The following NAV2 variants were observed in gnomAD, a reference collection of about 807,000 sequenced individuals.
NAV2 encodes helicase, APC down-regulated 1.
NAV2 carries 54 observed loss-of-function variants against 223.2 expected under a neutral mutation model. The observed-to-expected ratio is 0.24, with a 90% CI of 0.19 to 0.30. The LOEUF is 0.30. NAV2 is among the 10% of genes least tolerant of loss of function. The probability of loss-of-function intolerance (pLI) is 1.00; values close to 1 mark genes in which losing one functional copy is unlikely to be tolerated. For synonymous variants in NAV2, 1,279 were observed against 1,239.3 expected, an observed-to-expected ratio of 1.03 and a Z score of -0.67; for missense variants, 2,806 against 3,147.5, an observed-to-expected ratio of 0.89 and a Z score of 2.60.
chr11:19,963,010 C>G (rs1036681587), intron 10 of NAV2, among the ~76,000 whole-genome samples: 9 of 152,190 alleles, frequency 5.9e-5, no homozygotes, highest in African/African-American at 2.2e-4. Context: ...GTGAAGTCAA[C>G]TCAAGTTGTC....
At chr11:19,421,371 T>C (rs906637031) in intron 1 of NAV2, among the ~76,000 whole-genome samples, 2 of 152,130 alleles carry the variant, frequency 1.3e-5, no homozygotes, top group Non-Finnish European at 2.9e-5. Context: ...CATGCTCACA[T>C]GTGTCCATGC....
intron 1 of NAV2, among the ~76,000 whole-genome samples, chr11:19,457,168 AC>A (rs1851985304): frequency 6.6e-6 from 1 of 152,230 alleles, no homozygotes; most frequent in Non-Finnish European, 1.5e-5. Flanking sequence ...GAGAAGAAAA[AC>A]AATAGCAAAA....
intron 1 of NAV2, among the ~76,000 whole-genome samples, chr11:19,574,240 T>C (rs2045508125): frequency 6.6e-6 from 1 of 152,210 alleles, no homozygotes; most frequent in Non-Finnish European, 1.5e-5. Context: ...TGGGAAAATA[T>C]ATGCAATGTG....
chr11:19,680,996 T>C (rs1245731534), intron 1 of NAV2, among the ~76,000 whole-genome samples: 1 of 152,266 alleles, frequency 6.6e-6, no homozygotes, highest in Non-Finnish European at 1.5e-5. Context: ...TGCCAGGCAC[T>C]GTTCTAAGCA....
intron 6 of NAV2, among the ~76,000 whole-genome samples, chr11:19,912,910 G>A (rs1261887804): frequency 6.6e-6 from 1 of 152,196 alleles, no homozygotes; most frequent in African/African-American, 2.4e-5. Flanking sequence ...GTTGTCCAGG[G>A]AAACCCATGC....
chr11:20,039,427 C>A (rs138570919), intron 12 of NAV2, among the ~76,000 whole-genome samples: 7 of 152,020 alleles, frequency 4.6e-5, no homozygotes, highest in Non-Finnish European at 2.9e-5. Context: ...TCTTATCTCT[C>A]CCTCCCTTCC....
chr11:19,356,777 A>G (rs946647420), intron 1 of NAV2, among the ~76,000 whole-genome samples: 1 of 152,220 alleles, frequency 6.6e-6, no homozygotes, highest in African/African-American at 2.4e-5. Flanking sequence ...ATTGTTTTCC[A>G]GGGAATAAAA....
intron 16 of NAV2, among the ~76,000 whole-genome samples, 161 bp from the exon 17 acceptor site, chr11:20,051,128 C>A (rs2057962488): frequency 1.3e-5 from 2 of 152,204 alleles, no homozygotes; most frequent in African/African-American, 4.8e-5. Flanking sequence ...TTGTTTTCCA[C>A]GGATGTGGAT....
At chr11:20,043,023 A>G (rs2057077776) in intron 12 of NAV2, among the ~76,000 whole-genome samples, 1 of 152,208 alleles carries the variant, frequency 6.6e-6, no homozygotes, top group Non-Finnish European at 1.5e-5. Flanking sequence ...GTCAGAACAA[A>G]ATCCCACAAG....
At chr11:19,930,009 C>T (rs893395956) in intron 6 of NAV2, among the ~76,000 whole-genome samples, 1 of 152,204 alleles carries the variant, frequency 6.6e-6, no homozygotes, top group Non-Finnish European at 1.5e-5. Context: ...ACTTTTTACA[C>T]TGTTTTCATG....
intron 11 of NAV2, among the ~76,000 whole-genome samples, chr11:19,997,017 G>A (rs769262838): frequency 3.9e-5 from 6 of 152,022 alleles, no homozygotes; most frequent in Admixed American, 6.6e-5. Flanking sequence ...ACAAGCCTAC[G>A]GTTTCTGTAC....
intron 7 of NAV2, among the ~76,000 whole-genome samples, chr11:19,935,772 C>G (rs1270872864): frequency 6.6e-6 from 1 of 151,056 alleles, no homozygotes; most frequent in African/African-American, 2.4e-5. Context: ...CAGCTCAGCT[C>G]ACAATCCTGA....
At chr11:19,639,161 A>G (rs983891468) in intron 1 of NAV2, among the ~76,000 whole-genome samples, 2 of 152,198 alleles carry the variant, frequency 1.3e-5, no homozygotes. Flanking sequence ...TCATTCCCCA[A>G]CAAAGATGGT....
At chr11:19,970,357 T>C (rs2049128073) in intron 10 of NAV2, among the ~76,000 whole-genome samples, 1 of 152,162 alleles carries the variant, frequency 6.6e-6, no homozygotes, top group Admixed American at 6.5e-5. Context: ...GTAGTAGATA[T>C]GGGGTTTCAC....
At chr11:19,733,479 A>G (rs945338603) in intron 1 of NAV2, among the ~76,000 whole-genome samples, 6 of 152,180 alleles carry the variant, frequency 3.9e-5, no homozygotes, top group Non-Finnish European at 8.8e-5. Flanking sequence ...AGTGGAAGGC[A>G]TGTGCTTGCC....
At chr11:19,644,385 G>A (rs1321524649) in intron 1 of NAV2, among the ~76,000 whole-genome samples, 1 of 152,224 alleles carries the variant, frequency 6.6e-6, no homozygotes, top group African/African-American at 2.4e-5. Context: ...GGTATTGGCT[G>A]TTGCTGCGAG....
chr11:19,839,382 G>A (rs1729443598), intron 2 of NAV2, among the ~76,000 whole-genome samples: 1 of 152,138 alleles, frequency 6.6e-6, no homozygotes, highest in Non-Finnish European at 1.5e-5. Context: ...AGAGAGGAAG[G>A]AAAAGATGAA....
intron 1 of NAV2, among the ~76,000 whole-genome samples, chr11:19,491,013 C>A (rs1470672481): frequency 6.6e-6 from 1 of 152,106 alleles, no homozygotes; most frequent in Non-Finnish European, 1.5e-5. Flanking sequence ...GCAATAATAT[C>A]TCGAAAAGAA....
intron 1 of NAV2, among the ~76,000 whole-genome samples, chr11:19,778,136 G>C (rs2056435360): frequency 6.6e-6 from 1 of 152,184 alleles, no homozygotes. Context: ...GAGGATAGCA[G>C]GATTTTCCTT....
Sources: allele counts gnomAD v4.1 joint callset (sites outside exome capture counted in the v4.1 genomes callset), GRCh38; gene constraint gnomAD v4.1.1; transcripts MANE v1.5; gene names NCBI Gene and HGNC (gene_info 2026-07-23, HGNC 2026-07-21).